The following RUVBL1 variants were observed in gnomAD, a reference collection of about 807,000 sequenced individuals.
RUVBL1 encodes ruvB-like 1.
Under a neutral mutation model 52.4 loss-of-function variants are expected in RUVBL1, and 4 were observed. The observed-to-expected ratio is 0.08, with a 90% CI of 0.04 to 0.17. RUVBL1 has a LOEUF of 0.17. Among genes scored for constraint, RUVBL1 ranks in the 10% least tolerant of loss-of-function variants. The pLI, the probability that RUVBL1 is intolerant of heterozygous loss-of-function variation, is 1.00. For synonymous variants in RUVBL1, 217 were observed against 214.4 expected (o/e 1.01, Z -0.10); for missense variants, 298 against 572.8 (o/e 0.52, Z 4.90).
chr3:128,082,243 C>A lies in RUVBL1; in HGVS notation c.1211+240G>T. ...AGGCCCAGGGTCAAAGCACTCTCCACCAGAGGGGAGCATCTGCTGCAGGAC... is the reference window on the plus strand; with the variant it reads ...AGGCCCAGGGTCAAAGCACTCTCCAACAGAGGGGAGCATCTGCTGCAGGAC... On this transcript the variant is annotated intron_variant, in intron 10 of 10. Coordinates refer to ENST00000322623, the MANE Select transcript of RUVBL1 (RefSeq NM_003707.3). The surrounding 1 kb of genome is among the most constrained non-coding windows in gnomAD (Gnocchi z 4.7). 2.0e-6 allele frequency: 1 copy of A among 496,642 alleles called. No homozygotes were observed. Among genetic ancestry groups the A allele is most frequent in the Non-Finnish European group, 3.6e-6 (1 of 275,416 alleles). 30.8% of individuals were successfully genotyped at this position (496,642 alleles called of 1,614,324 possible).
Position 128,067,668 on chromosome 3 carries a change from G to A in RUVBL1, c.940-2448C>T. 7.5e-7 allele frequency: 1 copy of A among 1,341,060 alleles called. No homozygotes were observed. The highest frequency in any genetic ancestry group is 1.0e-6 in the Non-Finnish European group (1 of 958,224). 83.1% of individuals were successfully genotyped at this position (1,341,060 alleles called of 1,614,324 possible). A position where few individuals can be genotyped will look rare whatever the true frequency, so the allele number is the denominator to read the frequency against. On this transcript the variant is annotated intron_variant, in intron 9 of 9. Coordinates refer to the RUVBL1 transcript ENST00000464873. The surrounding 1 kb of genome is among the most constrained non-coding windows in gnomAD (Gnocchi z 4.1). ...GATGAAAGTGTGACTGGTATAAGGG[G>A]TGTGGACTTGTCACCTCATCATAAA...
rs746604494 is a variant in RUVBL1 at position 128,123,699 on chromosome 3, G to C, written c.26C>G (p.Thr9Ser). 2 of 1,610,790 alleles carry C rather than the reference G, an allele frequency of 1.2e-6. No homozygotes were observed. The highest frequency in any genetic ancestry group is 1.7e-6 in the Non-Finnish European group (2 of 1,178,660). The change falls in exon 1 of 11, where the codon ACT becomes AGT. Residue 9 changes from threonine to serine, a missense_variant. Physicochemically the swap from Thr to Ser is moderately conservative, Grantham distance 58. This residue lies in a region of RUVBL1 where 71 missense variants were observed against 125.7 expected (regional missense o/e 0.57). Transcript: ENST00000322623. ...GGAGGCGATGCGCTGCGTCTTCGTA[G>C]TGCTCTTCACCTCCTCAATCTTCAT... is the stretch of plus-strand genomic sequence containing the variant. The part of the protein sequence containing the change: MKIEEVKS[T>S]TKTQRIASHS...
In RUVBL1 at chr3:128,112,288, G is replaced by T. The variant is rs534789111; in HGVS notation, c.361+600C>A. On this transcript the variant is annotated intron_variant, in intron 3 of 10. Transcript: ENST00000322623. ...CTGCCACTTACTAACTGGGTCCCTA[G>T]CAAGTTATTTAACCTTCTGAGACTG... 2.6e-5 allele frequency among the ~76,000 whole-genome samples: 4 copies of T among 152,346 alleles called. No individual in the cohort carries two copies. The East Asian group carries it at 7.7e-4, about 29-fold the overall frequency.
chr3:128,082,307 T>C lies in RUVBL1; in HGVS notation c.1211+176A>G. On this transcript the variant is annotated intron_variant, in intron 10 of 10. Transcript: ENST00000322623. This position sits in a 1 kb window ranked among gnomAD's most constrained non-coding sequence, Gnocchi z 4.7. ...CCTTACTCTAGCTTGTTAAAAACCA[T>C]CAGATAGATCCTCTGCATTTGAAAC... The C allele has an allele frequency of 1.7e-6, 1 of 577,832 alleles. No homozygotes were observed. Among genetic ancestry groups the C allele is most frequent in the Non-Finnish European group, 3.1e-6 (1 of 322,354 alleles). 35.8% of individuals were successfully genotyped at this position (577,832 alleles called of 1,614,324 possible).
downstream of RUVBL1, among the ~76,000 whole-genome samples, chr3:128,077,514 G>A (rs1358529473): frequency 1.3e-5 from 2 of 152,240 alleles, no homozygotes; most frequent in Non-Finnish European, 2.9e-5. Flanking sequence ...CCAAATGAGA[G>A]CAGGTCTGAC....
chr3:128,124,204 A>G (rs1943730800), upstream of RUVBL1, among the ~76,000 whole-genome samples: 1 of 152,058 alleles, frequency 6.6e-6, no homozygotes, highest in East Asian at 1.9e-4. Flanking sequence ...TTACTAACCA[A>G]TGTTTTCTGA....
intron 1 of RUVBL1, chr3:128,141,974 G>A (rs1944029689): frequency 6.6e-6 from 1 of 152,164 alleles, no homozygotes; most frequent in South Asian, 2.1e-4. Flanking sequence ...GCTGAAGAGA[G>A]CACTTGCCAT....
chr3:128,125,929 G>A (rs1033542905), upstream of RUVBL1, among the ~76,000 whole-genome samples: 8 of 152,138 alleles, frequency 5.3e-5, no homozygotes, highest in African/African-American at 1.9e-4. Context: ...GTCCAATTAA[G>A]GAAAAAGACT....
intron 3 of RUVBL1, among the ~76,000 whole-genome samples, chr3:128,108,576 G>A (rs554080882): frequency 1.2e-4 from 19 of 152,042 alleles, no homozygotes; most frequent in Non-Finnish European, 2.5e-4. Context: ...GTTCACGCCT[G>A]TAATCCCAGG....
intron 1 of RUVBL1, among the ~76,000 whole-genome samples, chr3:128,122,906 T>C (rs1331173067): frequency 6.6e-6 from 1 of 152,172 alleles, no homozygotes; most frequent in East Asian, 1.9e-4. Context: ...AAAAATAATA[T>C]GTATGTGAAA....
chr3:128,135,308 G>C (rs967402815), intron 1 of RUVBL1, among the ~76,000 whole-genome samples: 1 of 152,162 alleles, frequency 6.6e-6, no homozygotes, highest in Non-Finnish European at 1.5e-5. Flanking sequence ...CGAGGCGGGT[G>C]GATCACCTGA....
At chr3:128,100,342 A>G (rs1317530069) in intron 6 of RUVBL1, among the ~76,000 whole-genome samples, 1 of 152,220 alleles carries the variant, frequency 6.6e-6, no homozygotes, top group African/African-American at 2.4e-5. Flanking sequence ...CCATGGAGGA[A>G]GCTGGCTAGC....
At chr3:128,084,206 G>A (rs1320818333) in intron 9 of RUVBL1, 3 of 152,302 alleles carry the variant, frequency 2.0e-5, no homozygotes, top group Non-Finnish European at 2.9e-5. Context: ...GCCAGGGTGT[G>A]AGCTCCACTG....
At chr3:128,069,397 T>C in intron 9 of RUVBL1, 2 of 1,363,286 alleles carry the variant, frequency 1.5e-6, no homozygotes, top group Non-Finnish European at 2.0e-6. Flanking sequence ...GGTCCCAAAG[T>C]CTCAGGTGAG....
rs1021418130 is a variant in RUVBL1 at position 128,110,229 on chromosome 3, C to T, written c.361+2659G>A. 4.6e-5 allele frequency among the ~76,000 whole-genome samples: 7 copies of T among 152,088 alleles called. 1 individual carries two copies. The highest frequency in any genetic ancestry group is 1.7e-4 in the African/African-American group (7 of 41,468). ...TGAGCCCAAGGAGTTGAGCCTGCAG[C>T]GAGCTATTGTTACACCACTGCACTT... On this transcript the variant is annotated intron_variant, in intron 3 of 10. Coordinates refer to ENST00000322623, the MANE Select transcript of RUVBL1 (RefSeq NM_003707.3).
intron 9 of RUVBL1, among the ~76,000 whole-genome samples, chr3:128,087,312 T>C (rs920050420): frequency 6.6e-6 from 1 of 152,262 alleles, no homozygotes; most frequent in Non-Finnish European, 1.5e-5. Context: ...GCCACAGGCA[T>C]ATTCTGGCCT....
In RUVBL1 at chr3:128,108,708, A is replaced by AAAAAGT. The variant is rs1191157696; in HGVS notation, c.362-3790_362-3785dup. Among the ~76,000 whole-genome samples, 7 of 152,098 alleles carry AAAAAGT rather than the reference A, an allele frequency of 4.6e-5. No individual in the cohort carries two copies. In the East Asian group the frequency reaches 1.4e-3, roughly 29 times the overall value. ...GACACCTTGTCTCAATTAAAAAAAA[A>AAAAAGT]AAAAGTACTCAGACATTTGAACTAG... is the stretch of plus-strand genomic sequence containing the variant. On this transcript the variant is annotated intron_variant, in intron 3 of 10. Transcript: ENST00000322623.
upstream of RUVBL1, among the ~76,000 whole-genome samples, chr3:128,125,744 T>G (rs1426214543): frequency 6.6e-6 from 1 of 152,226 alleles, no homozygotes; most frequent in Non-Finnish European, 1.5e-5. Context: ...CTAGGGCATG[T>G]GGTTCATCAG....
chr3:128,123,675 G>C lies in RUVBL1; in HGVS notation c.50C>G (p.Ser17Cys). ...KSTTKTQRIA[S>C]HSHVKGLGLD... The stretch of plus-strand genomic sequence containing the variant: ...CCCCAGCCCTTTCACGTGGCTGTGG[G>C]AGGCGATGCGCTGCGTCTTCGTAGT... The change falls in exon 1 of 11, where the codon TCC becomes TGC. Residue 17 changes from serine (S) to cysteine (C), a missense_variant. Ser to Cys is a moderately radical substitution (Grantham distance 112, BLOSUM62 -1). Transcript: ENST00000322623. 6.2e-7 allele frequency: 1 copy of C among 1,612,210 alleles called. No homozygotes were observed. Among genetic ancestry groups the C allele is most frequent in the Non-Finnish European group, 8.5e-7 (1 of 1,179,404 alleles).
Sources: gnomAD v4.1 joint callset for allele counts (sites outside exome capture counted in the v4.1 genomes callset) on GRCh38, gnomAD v4.1.1 for gene constraint, gnomAD v4.1.1 regional missense constraint, Gnocchi (gnomAD v3.1) non-coding constraint, MANE v1.5 for transcripts, NCBI Gene and HGNC (gene_info 2026-07-23, HGNC 2026-07-21) for gene names.